Variants in GABRB1 observed in about 807,000 individuals in gnomAD.
GABRB1 encodes gamma-aminobutyric acid receptor subunit beta-1.
A neutral mutation model predicts 51.6 loss-of-function variants in GABRB1; 17 were observed. That is an observed-to-expected ratio of 0.33 (90% CI 0.23 to 0.49). The LOEUF is 0.49. GABRB1 is among the 20% of genes least tolerant of loss of function. GABRB1 has a pLI of 0.99. For missense variants in GABRB1, 410 were observed against 600.6 expected, an observed-to-expected ratio of 0.68 and a Z score of 3.32; for synonymous variants, 247 against 218.9, an observed-to-expected ratio of 1.13 and a Z score of -1.14.
chr4:47,162,436 T>A (rs1392090247), intron 4 of GABRB1, among the ~76,000 whole-genome samples: 1 of 151,906 alleles, frequency 6.6e-6, no homozygotes, highest in Admixed American at 6.6e-5. Flanking sequence ...AAAAGTTGAT[T>A]GGTTTAAAAA....
chr4:47,026,641 A>G (rs1471917023), upstream of GABRB1, among the ~76,000 whole-genome samples: 2 of 151,982 alleles, frequency 1.3e-5, no homozygotes, highest in Non-Finnish European at 2.9e-5. Context: ...ACTGCAAATC[A>G]GGATTTGCAG....
chr4:47,181,470 A>G (rs942522229), intron 4 of GABRB1, among the ~76,000 whole-genome samples: 1 of 152,068 alleles, frequency 6.6e-6, no homozygotes, highest in Non-Finnish European at 1.5e-5. Context: ...TTCAGATGGC[A>G]ATAGAGCGAA....
At chr4:47,369,176 A>T (rs1727099672) in intron 5 of GABRB1, among the ~76,000 whole-genome samples, 1 of 152,206 alleles carries the variant, frequency 6.6e-6, no homozygotes, top group African/African-American at 2.4e-5. Context: ...CTTAAGAAAT[A>T]TTAAATTTGT....
In GABRB1 at chr4:47,398,353, T is replaced by G. The variant is rs186641101; in HGVS notation, c.545-4965T>G. Among the ~76,000 whole-genome samples, 527 of 152,328 alleles carry G rather than the reference T, an allele frequency of 3.5e-3. 6 individuals carry two copies. Among genetic ancestry groups the G allele is most frequent in the African/African-American group, 0.011 (472 of 41,582 alleles). ...ATAGTTTAACCAGCAGCTTTCCAACTCTGTACCTCAACTTTCTTTCTGTTG... is the reference window on the plus strand; with the variant it reads ...ATAGTTTAACCAGCAGCTTTCCAACGCTGTACCTCAACTTTCTTTCTGTTG... On this transcript the variant is annotated intron_variant, in intron 5 of 8. Coordinates refer to ENST00000295454, the MANE Select transcript of GABRB1 (RefSeq NM_000812.4).
chr4:47,043,978 G>T (rs1725972456), intron 3 of GABRB1, among the ~76,000 whole-genome samples: 1 of 152,134 alleles, frequency 6.6e-6, no homozygotes, highest in Non-Finnish European at 1.5e-5. Context: ...GGAGAAAGAA[G>T]AAGCTGGAGT....
chr4:47,204,493 CCTAACA>C (rs1043450040), intron 4 of GABRB1, among the ~76,000 whole-genome samples: 10 of 152,042 alleles, frequency 6.6e-5, no homozygotes, highest in South Asian at 2.1e-4. Flanking sequence ...TCCCCCTAAC[CCTAACA>C]CTAACCCTAA....
At chr4:47,194,454 T>G (rs1719565553) in intron 4 of GABRB1, among the ~76,000 whole-genome samples, 1 of 152,196 alleles carries the variant, frequency 6.6e-6, no homozygotes, top group Non-Finnish European at 1.5e-5. Flanking sequence ...TACAGCTGTC[T>G]TTGGGGGTTA....
intron 4 of GABRB1, among the ~76,000 whole-genome samples, chr4:47,200,760 C>G (rs1366055131): frequency 6.6e-6 from 1 of 152,140 alleles, no homozygotes; most frequent in African/African-American, 2.4e-5. Context: ...CATTGAAAGC[C>G]ACAACTTTAG....
chr4:47,321,621 C>G (rs1337633936), intron 5 of GABRB1, among the ~76,000 whole-genome samples: 1 of 152,128 alleles, frequency 6.6e-6, no homozygotes, highest in African/African-American at 2.4e-5. Context: ...CAATCATATA[C>G]TAGTAGCTAA....
intron 5 of GABRB1, among the ~76,000 whole-genome samples, chr4:47,396,603 C>T (rs1023375116): frequency 7.2e-5 from 11 of 152,040 alleles, no homozygotes; most frequent in African/African-American, 2.2e-4. Flanking sequence ...GACAGATCTA[C>T]AGTTTATTTA....
chr4:47,071,621 A>G (rs1483230659), intron 3 of GABRB1, among the ~76,000 whole-genome samples: 2 of 151,072 alleles, frequency 1.3e-5, no homozygotes, highest in Admixed American at 6.6e-5. Flanking sequence ...AATACTACAT[A>G]TATCCACATG....
chr4:47,124,791 T>G (rs1371837035), intron 3 of GABRB1, among the ~76,000 whole-genome samples: 2 of 151,906 alleles, frequency 1.3e-5, no homozygotes, highest in Non-Finnish European at 2.9e-5. Context: ...AGACAGGTCA[T>G]GTGAAATCAT....
At chr4:47,385,968 C>T (rs184417154) in intron 5 of GABRB1, among the ~76,000 whole-genome samples, 31 of 152,322 alleles carry the variant, frequency 2.0e-4, no homozygotes, top group Admixed American at 5.9e-4. Flanking sequence ...GGGTGCAAAG[C>T]TTTCATGCCC....
chr4:47,222,002 C>T (rs918289665), intron 4 of GABRB1, among the ~76,000 whole-genome samples: 3 of 152,008 alleles, frequency 2.0e-5, no homozygotes, highest in Non-Finnish European at 4.4e-5. Context: ...TAGCACTATG[C>T]TAGGGAGACA....
intron 4 of GABRB1, among the ~76,000 whole-genome samples, chr4:47,283,107 C>A (rs1723352159): frequency 6.6e-6 from 1 of 152,106 alleles, no homozygotes; most frequent in Non-Finnish European, 1.5e-5. Flanking sequence ...TGTATTGTAA[C>A]ACCCTGAACA....
chr4:47,294,131 A>T (rs1273214195), intron 4 of GABRB1, among the ~76,000 whole-genome samples: 1 of 152,128 alleles, frequency 6.6e-6, no homozygotes, highest in Non-Finnish European at 1.5e-5. Context: ...GGCAGCCAAG[A>T]TGGCCAAATA....
chr4:47,175,473 C>T (rs1325414853), intron 4 of GABRB1, among the ~76,000 whole-genome samples: 1 of 152,102 alleles, frequency 6.6e-6, no homozygotes, highest in Non-Finnish European at 1.5e-5. Context: ...TAAATCTCAA[C>T]TTAGAAAGTG....
chr4:47,383,408 T>C (rs148997051), intron 5 of GABRB1, among the ~76,000 whole-genome samples: 1 of 152,126 alleles, frequency 6.6e-6, no homozygotes, highest in African/African-American at 2.4e-5. Flanking sequence ...AATTTAAAAA[T>C]TGAATTGGGT....
intron 4 of GABRB1, among the ~76,000 whole-genome samples, chr4:47,310,322 A>G (rs1437605021): frequency 6.6e-6 from 1 of 152,228 alleles, no homozygotes; most frequent in East Asian, 1.9e-4. Context: ...ATACATATAT[A>G]TGACAGCATG....
Sources: allele counts gnomAD v4.1 joint callset (sites outside exome capture counted in the v4.1 genomes callset), GRCh38; gene constraint gnomAD v4.1.1; transcripts MANE v1.5; gene names NCBI Gene and HGNC (gene_info 2026-07-23, HGNC 2026-07-21).